The following SETBP1 variants were observed in gnomAD, a reference collection of about 807,000 sequenced individuals.
The protein encoded by SETBP1 is SET-binding protein.
In SETBP1, 9 loss-of-function variants were observed where a neutral mutation model predicts 101.0. The observed-to-expected ratio is 0.09, with a 90% CI of 0.05 to 0.16. The LOEUF (loss-of-function observed/expected upper bound fraction) is 0.16. Among genes scored for constraint, SETBP1 ranks in the 10% least tolerant of loss-of-function variants. SETBP1 has a pLI of 1.00. For missense variants in SETBP1, 1,858 were observed against 2,033.8 expected (o/e 0.91, Z 1.66); for synonymous variants, 818 against 788.5 (o/e 1.04, Z -0.63).
intron 4 of SETBP1, among the ~76,000 whole-genome samples, chr18:44,960,443 TC>T (rs1306346379): frequency 6.6e-6 from 1 of 152,136 alleles, no homozygotes; most frequent in East Asian, 1.9e-4. Flanking sequence ...CAAGCAATCC[TC>T]CCACCTCAGG....
chr18:44,846,736 A>G (rs1170852850), intron 2 of SETBP1, among the ~76,000 whole-genome samples: 1 of 152,236 alleles, frequency 6.6e-6, no homozygotes, highest in Non-Finnish European at 1.5e-5. Context: ...TCCAAAGCCT[A>G]GTGGGATTAG....
chr18:44,902,417 G>A (rs889019775), intron 3 of SETBP1, among the ~76,000 whole-genome samples: 5 of 148,064 alleles, frequency 3.4e-5, no homozygotes, highest in Non-Finnish European at 7.4e-5. Context: ...GCTAAATTGG[G>A]TTGGGGCTCT....
intron 2 of SETBP1, among the ~76,000 whole-genome samples, chr18:44,797,861 C>T (rs2071516436): frequency 6.6e-6 from 1 of 152,128 alleles, no homozygotes; most frequent in South Asian, 2.1e-4. Flanking sequence ...TTCTCTTTAG[C>T]AGTCCACCTC....
At position 45,063,728 on chromosome 18, in the gene SETBP1, T is replaced by C. The variant is rs1346897035; in HGVS notation, c.*30T>C. 2.5e-6 allele frequency: 4 copies of C among 1,591,590 alleles called. No individual in the cohort carries two copies. Among genetic ancestry groups the C allele is most frequent in the African/African-American group, 2.7e-5 (2 of 74,146 alleles). On this transcript the variant is annotated 3_prime_UTR_variant, in exon 6 of 6. Transcript: ENST00000649279. ...GGTCTGGGCGTCTGCACCTGGGGCC[T>C]AGGGAACTGACACGTGGGAAGCGCA...
chr18:44,732,163 A>G (rs1451342751), intron 2 of SETBP1, among the ~76,000 whole-genome samples: 3 of 152,312 alleles, frequency 2.0e-5, no homozygotes, highest in South Asian at 2.1e-4. Context: ...CTGACCTAAG[A>G]AAGTTGATTA....
At chr18:44,993,032 A>T (rs917567508) in intron 4 of SETBP1, among the ~76,000 whole-genome samples, 2 of 152,090 alleles carry the variant, frequency 1.3e-5, no homozygotes, top group African/African-American at 4.8e-5. Context: ...AATTCCCCAT[A>T]TTAACAGAAC....
At chr18:44,854,188 G>A (rs943131770) in intron 2 of SETBP1, among the ~76,000 whole-genome samples, 2 of 152,070 alleles carry the variant, frequency 1.3e-5, no homozygotes, top group South Asian at 2.1e-4. Flanking sequence ...ACTTGCAGGG[G>A]CTCCCTAAGA....
intron 4 of SETBP1, among the ~76,000 whole-genome samples, chr18:45,030,060 G>A (rs1425480743): frequency 6.9e-6 from 1 of 145,704 alleles, no homozygotes; most frequent in Non-Finnish European, 1.5e-5. Flanking sequence ...GAATAGGAGT[G>A]TTGAGAGAGG....
intron 3 of SETBP1, among the ~76,000 whole-genome samples, chr18:44,945,276 T>C (rs911283514): frequency 4.2e-4 from 64 of 152,090 alleles, no homozygotes; most frequent in African/African-American, 1.5e-3. Context: ...CTCAAACAAA[T>C]TTACAAGAAA....
chr18:44,748,622 TGTGCGTGTGCAGGCACCATGTGC>T (rs1259254180), intron 2 of SETBP1, among the ~76,000 whole-genome samples: 3 of 152,222 alleles, frequency 2.0e-5, no homozygotes, highest in South Asian at 2.1e-4. Flanking sequence ...AAAGGAGGGT[TGTGCGTGTGCAGGCACCATGTGC>T]GTGCTTGTGC....
rs199597517 is a variant in SETBP1, at chr18:44,950,719, A to G, written c.1379A>G (p.Lys460Arg). The change falls in exon 4 of 6, where the codon AAG (lysine) becomes AGG (arginine). Residue 460 changes from lysine (K) to arginine (R), a missense_variant. This residue lies in a region of SETBP1 where 581 missense variants were observed against 535.1 expected (regional missense o/e 1.09). Transcript: ENST00000649279. ...CTTTCCAACTCTGAGGGGAATAAGA[A>G]GGATCCCCGTGTCCCTAAGTTGAGT... ...RILSNSEGNK[K>R]DPRVPKLSKM... The G allele has an allele frequency of 1.6e-5, 26 of 1,614,148 alleles. No homozygotes were observed. The East Asian group carries it at 5.3e-4, about 33-fold the overall frequency.
intron 2 of SETBP1, among the ~76,000 whole-genome samples, chr18:44,812,746 A>G (rs2071890024): frequency 6.6e-6 from 1 of 152,174 alleles, no homozygotes; most frequent in African/African-American, 2.4e-5. Flanking sequence ...CTATATGTGA[A>G]CTGGGATGAA....
chr18:44,699,093 T>C (rs2069067961), intron 1 of SETBP1, among the ~76,000 whole-genome samples: 1 of 152,230 alleles, frequency 6.6e-6, no homozygotes, highest in Non-Finnish European at 1.5e-5. Flanking sequence ...TACATTTCCC[T>C]ACTCTGGTTC....
chr18:44,686,280 T>C (rs1048233720), intron 1 of SETBP1, among the ~76,000 whole-genome samples: 1 of 152,250 alleles, frequency 6.6e-6, no homozygotes, highest in Admixed American at 6.5e-5. Flanking sequence ...CCTTGCAGTG[T>C]TCTCGAGTGA....
intron 4 of SETBP1, among the ~76,000 whole-genome samples, chr18:44,977,165 A>G (rs1367670648): frequency 6.6e-6 from 1 of 152,080 alleles, no homozygotes; most frequent in Non-Finnish European, 1.5e-5. Context: ...TTCCTTCTGT[A>G]CTCACCAGAT....
intron 2 of SETBP1, among the ~76,000 whole-genome samples, chr18:44,746,257 GAA>G (rs1184795349): frequency 6.6e-6 from 1 of 152,222 alleles, no homozygotes; most frequent in Non-Finnish European, 1.5e-5. Flanking sequence ...GAGTTGGAGA[GAA>G]AGGAGTGGAT....
At chr18:44,727,186 C>CTCTGTGTGTGTGTG (rs143445388) in intron 2 of SETBP1, among the ~76,000 whole-genome samples, 6 of 145,186 alleles carry the variant, frequency 4.1e-5, no homozygotes, top group African/African-American at 1.6e-4. Context: ...TATTTGATCA[C>CTCTGTGTGTGTGTG]TGTGTGTGTG....
intron 2 of SETBP1, among the ~76,000 whole-genome samples, chr18:44,803,149 G>A (rs1313472689): frequency 6.6e-6 from 1 of 152,136 alleles, no homozygotes; most frequent in Non-Finnish European, 1.5e-5. Flanking sequence ...ACATCCTTAG[G>A]AACCGAGAGT....
chr18:44,791,897 G>T (rs1417590004), intron 2 of SETBP1, among the ~76,000 whole-genome samples: 3 of 152,132 alleles, frequency 2.0e-5, no homozygotes, highest in Non-Finnish European at 4.4e-5. Flanking sequence ...GGTAAGGCAG[G>T]TATCATCTCT....
Sources: allele counts gnomAD v4.1 joint callset (sites outside exome capture counted in the v4.1 genomes callset), GRCh38; gene constraint gnomAD v4.1.1; regional missense constraint gnomAD v4.1.1; transcripts MANE v1.5; gene names NCBI Gene and HGNC (gene_info 2026-07-23, HGNC 2026-07-21).